ADAMTS12: variants seen among roughly 807,000 people sequenced by gnomAD.
ADAMTS12 encodes the protein ADAM metallopeptidase with thrombospondin type 1 motif 12.
In ADAMTS12, 118 loss-of-function variants were observed where a neutral mutation model predicts 167.8. That is an observed-to-expected ratio of 0.70 (90% CI 0.61 to 0.82). The LOEUF (loss-of-function observed/expected upper bound fraction) is 0.82, where lower values mean the gene tolerates loss of function less well. Ranked by LOEUF, ADAMTS12 falls within the 40% of genes least tolerant of loss-of-function variation. The pLI is 0.00. For synonymous variants in ADAMTS12, 704 were observed against 716.9 expected (o/e 0.98, Z 0.29); for missense variants, 1,916 against 1,998.8 (o/e 0.96, Z 0.79).
chr5:33,590,116 T>C (rs1253905190), intron 17 of ADAMTS12, among the ~76,000 whole-genome samples: 2 of 152,238 alleles, frequency 1.3e-5, no homozygotes, highest in African/African-American at 4.8e-5. Flanking sequence ...CTCTGACTTT[T>C]CTAAAGGAGG....
intron 2 of ADAMTS12, among the ~76,000 whole-genome samples, chr5:33,787,851 A>C (rs1337846074): frequency 6.6e-6 from 1 of 152,020 alleles, no homozygotes; most frequent in Non-Finnish European, 1.5e-5. Flanking sequence ...GCACGATAGG[A>C]AATGGAGCTG....
In ADAMTS12 at chr5:33,639,086, G is replaced by GT. The variant is rs1462231991; in HGVS notation, c.1719-1341dup. ...AGTTACCTCATTTCTCTGAGCCTCA[G>GT]TTTTTTTTCGTTTGTAAAATGAGCA... On this transcript the variant is annotated intron_variant, in intron 11 of 23. Coordinates refer to ENST00000504830, the MANE Select transcript of ADAMTS12 (RefSeq NM_030955.4). Among the ~76,000 whole-genome samples, 4 of 151,970 alleles carry GT rather than the reference G, an allele frequency of 2.6e-5. No individual in the cohort carries two copies. In the South Asian group the frequency reaches 8.3e-4, roughly 32 times the overall value.
intron 19 of ADAMTS12, among the ~76,000 whole-genome samples, chr5:33,568,154 G>T (rs1378772794): frequency 6.6e-6 from 1 of 152,146 alleles, no homozygotes; most frequent in Non-Finnish European, 1.5e-5. Flanking sequence ...AAAATGTCAG[G>T]AGTCATAAGA....
intron 3 of ADAMTS12, among the ~76,000 whole-genome samples, chr5:33,692,261 C>A (rs1237394554): frequency 2.3e-4 from 35 of 152,166 alleles, no homozygotes; most frequent in Admixed American, 2.3e-3. Context: ...AGAGCCCCTT[C>A]TCTTCCTTTT....
intron 2 of ADAMTS12, among the ~76,000 whole-genome samples, chr5:33,819,767 T>G (rs1288205396): frequency 1.3e-5 from 2 of 152,080 alleles, no homozygotes; most frequent in Non-Finnish European, 2.9e-5. Flanking sequence ...CCATCTCATC[T>G]GGGGGCCATC....
chr5:33,873,501 C>T (rs949777956), intron 2 of ADAMTS12, among the ~76,000 whole-genome samples: 3 of 152,116 alleles, frequency 2.0e-5, no homozygotes, highest in African/African-American at 7.2e-5. Context: ...CCAACTTAAT[C>T]TATAGACTTA....
rs575931699 is a variant in ADAMTS12 at position 33,578,872 on chromosome 5, G to A, written c.2866-1712C>T. 2.4e-4 allele frequency among the ~76,000 whole-genome samples: 37 copies of A among 152,306 alleles called. No homozygotes were observed. In the East Asian group the frequency reaches 2.9e-3, roughly 12 times the overall value. ...TTTGGACCCAACCAGTGAAGCTGTG[G>A]ATTTAAGATGTCCACAAAATATTAA... On this transcript the variant is annotated intron_variant, in intron 18 of 23. Coordinates refer to ENST00000504830, the MANE Select transcript of ADAMTS12 (RefSeq NM_030955.4).
intron 20 of ADAMTS12, among the ~76,000 whole-genome samples, chr5:33,557,511 GTCTC>G (rs1019682219): frequency 1.6e-4 from 25 of 152,090 alleles, no homozygotes; most frequent in African/African-American, 4.1e-4. Flanking sequence ...TGAAAAAGGG[GTCTC>G]CAACTACTTG....
intron 5 of ADAMTS12, among the ~76,000 whole-genome samples, chr5:33,679,605 T>A (rs961226135): frequency 1.3e-4 from 20 of 152,216 alleles, no homozygotes; most frequent in African/African-American, 4.8e-4. Context: ...TAATTCCTTT[T>A]TATTTTCTAA....
At chr5:33,649,095 G>A in intron 8 of ADAMTS12, 129 bp from the exon 9 acceptor site, 1 of 1,131,162 alleles carries the variant, frequency 8.8e-7, no homozygotes, top group Non-Finnish European at 1.2e-6. Flanking sequence ...TTACAAGGCA[G>A]AGAACTCTCT....
chr5:33,644,966 G>A (rs991049396), intron 9 of ADAMTS12, among the ~76,000 whole-genome samples: 66 of 152,084 alleles, frequency 4.3e-4, no homozygotes, highest in Admixed American at 6.5e-4. Flanking sequence ...TCCTGACCTC[G>A]TGATCTGCCC....
chr5:33,878,607 G>A (rs1750314515), intron 2 of ADAMTS12, among the ~76,000 whole-genome samples: 1 of 152,314 alleles, frequency 6.6e-6, no homozygotes, highest in African/African-American at 2.4e-5. Flanking sequence ...ATTTACAGCA[G>A]TGGTTGCACC....
At chr5:33,824,238 C>A (rs1054898708) in intron 2 of ADAMTS12, among the ~76,000 whole-genome samples, 2 of 152,136 alleles carry the variant, frequency 1.3e-5, no homozygotes, top group Non-Finnish European at 2.9e-5. Context: ...ACAGCTTGAG[C>A]CTGACCCAGG....
At chr5:33,774,975 T>C (rs1745866961) in intron 2 of ADAMTS12, among the ~76,000 whole-genome samples, 1 of 152,184 alleles carries the variant, frequency 6.6e-6, no homozygotes, top group South Asian at 2.1e-4. Context: ...ATGAATGCGG[T>C]AAAAATACAG....
intron 23 of ADAMTS12, among the ~76,000 whole-genome samples, chr5:33,532,500 C>A (rs867625576): frequency 1.3e-4 from 19 of 148,856 alleles, no homozygotes; most frequent in South Asian, 8.5e-4. Flanking sequence ...GCCTTTTCTA[C>A]CCTTCCTCAA....
chr5:33,618,266 G>A (rs1056938331), intron 14 of ADAMTS12, among the ~76,000 whole-genome samples: 1 of 152,202 alleles, frequency 6.6e-6, no homozygotes, highest in Non-Finnish European at 1.5e-5. Flanking sequence ...TGAGTAGGCT[G>A]AGGAGGAAAA....
At chr5:33,852,477 T>C (rs1347231636) in intron 2 of ADAMTS12, among the ~76,000 whole-genome samples, 1 of 151,492 alleles carries the variant, frequency 6.6e-6, no homozygotes, top group Non-Finnish European at 1.5e-5. Context: ...AGAGGGTGAG[T>C]GGATGGAGAA....
chr5:33,629,158 T>G (rs1380821724), intron 13 of ADAMTS12, among the ~76,000 whole-genome samples: 1 of 152,060 alleles, frequency 6.6e-6, no homozygotes, highest in Non-Finnish European at 1.5e-5. Context: ...CACTGAGGAG[T>G]GAATGTGATG....
chr5:33,811,313 G>T (rs1867719), intron 2 of ADAMTS12, among the ~76,000 whole-genome samples: 2 of 152,008 alleles, frequency 1.3e-5, no homozygotes, highest in Non-Finnish European at 2.9e-5. Context: ...TATTAAACTA[G>T]GAAAATATAT....
Sources: allele counts gnomAD v4.1 joint callset (sites outside exome capture counted in the v4.1 genomes callset), GRCh38; gene constraint gnomAD v4.1.1; transcripts MANE v1.5; gene names NCBI Gene and HGNC (gene_info 2026-07-23, HGNC 2026-07-21).